Variants in TFDP2 observed in about 807,000 individuals in gnomAD.
TFDP2 encodes transcription factor Dp-2.
A neutral mutation model predicts 59.3 loss-of-function variants in TFDP2; 17 were observed. The ratio of observed to expected loss-of-function variants is 0.29; its 90% confidence interval spans 0.20 to 0.43. The LOEUF is 0.43. TFDP2 is among the 20% of genes least tolerant of loss of function. The pLI is 1.00. For synonymous variants in TFDP2, 180 were observed against 194.7 expected (o/e 0.92, Z 0.63); for missense variants, 391 against 528.8 (o/e 0.74, Z 2.56).
chr3:141,970,267 A>G, intron 8 of TFDP2, 126 bp from the exon 9 acceptor site: 1 of 792,142 alleles, frequency 1.3e-6, no homozygotes, highest in Non-Finnish European at 2.1e-6. Flanking sequence ...AACAATATGA[A>G]TAAAGACAAA....
intron 9 of TFDP2, among the ~76,000 whole-genome samples, chr3:141,967,505 G>A (rs1938307196): frequency 6.6e-6 from 1 of 151,994 alleles, no homozygotes; most frequent in African/African-American, 2.4e-5. Context: ...TGTTGGTCAG[G>A]CTGGTCTCGA....
intron 1 of TFDP2, among the ~76,000 whole-genome samples, chr3:142,115,264 T>C (rs754465372): frequency 6.6e-6 from 1 of 152,052 alleles, no homozygotes; most frequent in African/African-American, 2.4e-5. Flanking sequence ...CTAAACTTCA[T>C]TGTTATCAGT....
Position 142,083,294 on chromosome 3 carries a change from G to C in TFDP2, c.82+9767C>G, listed in dbSNP as rs539212757. 2.6e-5 allele frequency among the ~76,000 whole-genome samples: 4 copies of C among 152,034 alleles called. No homozygotes were observed. In the South Asian group the frequency reaches 8.3e-4, roughly 32 times the overall value. On this transcript the variant is annotated intron_variant, in intron 3 of 12. Transcript: ENST00000489671. ...AATGAAATTAAATACCTAGGAATTAGTCAAAGAAATGAAAGATCCCTACAA... is the reference window on the plus strand; with the variant it reads ...AATGAAATTAAATACCTAGGAATTACTCAAAGAAATGAAAGATCCCTACAA...
At chr3:142,026,875 A>G (rs1000993414) in intron 3 of TFDP2, among the ~76,000 whole-genome samples, 6 of 152,202 alleles carry the variant, frequency 3.9e-5, no homozygotes, top group African/African-American at 1.4e-4. Context: ...CAAGCTTATT[A>G]TCTTTCTTTT....
At chr3:141,961,950 C>T (rs1344851991) in intron 10 of TFDP2, among the ~76,000 whole-genome samples, 1 of 151,986 alleles carries the variant, frequency 6.6e-6, no homozygotes, top group African/African-American at 2.4e-5. Context: ...AGTGAGAATC[C>T]ACTCTTTTTT....
chr3:142,060,358 A>G (rs1305701425), intron 3 of TFDP2, among the ~76,000 whole-genome samples: 1 of 152,186 alleles, frequency 6.6e-6, no homozygotes, highest in African/African-American at 2.4e-5. Context: ...AAAATTAAAG[A>G]TCCAAAACTG....
chr3:141,969,594 G>T (rs1207990650), intron 9 of TFDP2, among the ~76,000 whole-genome samples: 1 of 151,936 alleles, frequency 6.6e-6, no homozygotes, highest in Non-Finnish European at 1.5e-5. Context: ...CCTGGCGAAA[G>T]AGTGAGACTC....
intron 7 of TFDP2, among the ~76,000 whole-genome samples, chr3:141,977,815 A>G (rs908024168): frequency 6.6e-6 from 1 of 151,712 alleles, no homozygotes; most frequent in Non-Finnish European, 1.5e-5. Context: ...GGTTCAAGCA[A>G]TTCTCCTGCC....
At chr3:142,043,715 T>C in intron 3 of TFDP2, 1 of 1,211,714 alleles carries the variant, frequency 8.3e-7, no homozygotes. Flanking sequence ...CGTGCTTCCT[T>C]GGTCTTAGAC....
intron 3 of TFDP2, among the ~76,000 whole-genome samples, chr3:142,058,707 G>A (rs1046819895): frequency 1.3e-5 from 2 of 152,082 alleles, no homozygotes; most frequent in Admixed American, 1.3e-4. Flanking sequence ...AGGGGTAGGG[G>A]GTGGGTGCAC....
chr3:142,026,107 C>G (rs1007618350), intron 3 of TFDP2, among the ~76,000 whole-genome samples: 2 of 152,126 alleles, frequency 1.3e-5, no homozygotes, highest in Admixed American at 1.3e-4. Flanking sequence ...GTCGGGAGAT[C>G]GAGACCATCA....
chr3:142,065,921 T>A (rs1474262618), intron 3 of TFDP2, among the ~76,000 whole-genome samples: 1 of 151,874 alleles, frequency 6.6e-6, no homozygotes, highest in African/African-American at 2.4e-5. Flanking sequence ...TCCAAAAAAG[T>A]AATGCAGGTA....
chr3:141,967,206 T>C (rs1031099818), intron 9 of TFDP2, among the ~76,000 whole-genome samples: 1 of 151,706 alleles, frequency 6.6e-6, no homozygotes, highest in Non-Finnish European at 1.5e-5. Context: ...TAAGCCACTG[T>C]GCCTGGCTGC....
chr3:142,028,464 T>A lies in TFDP2; in HGVS notation c.83-22920A>T, dbSNP rs10513165. Reference sequence around the variant, plus strand: ...CTGTCTGCAACAAGCAAGGACGTCTTGAAATCAGCGTGCTCCTGGCTATTT... The same window carrying A: ...CTGTCTGCAACAAGCAAGGACGTCTAGAAATCAGCGTGCTCCTGGCTATTT... On this transcript the variant is annotated intron_variant, in intron 3 of 12. Coordinates refer to ENST00000489671, the MANE Select transcript of TFDP2 (RefSeq NM_001178139.2). The A allele has an allele frequency of 5.1e-3, 3,570 of 694,124 alleles. 103 individuals are homozygous for A. In the African/African-American group the frequency reaches 0.068, roughly 13 times the overall value. The allele number at this position is 694,124 out of a possible 1,614,324, so 43.0% of individuals were successfully genotyped here.
intron 3 of TFDP2, among the ~76,000 whole-genome samples, chr3:142,057,852 A>C (rs918282032): frequency 6.6e-6 from 1 of 152,312 alleles, no homozygotes; most frequent in South Asian, 2.1e-4. Flanking sequence ...GGCTTTATAA[A>C]GTTCTCCATC....
chr3:142,105,504 C>A (rs1482962478), intron 1 of TFDP2, among the ~76,000 whole-genome samples: 1 of 152,138 alleles, frequency 6.6e-6, no homozygotes, highest in African/African-American at 2.4e-5. Context: ...GTTGTGATGG[C>A]TAGAGCTGCT....
At chr3:141,959,065 G>T (rs1576456820) in intron 11 of TFDP2, among the ~76,000 whole-genome samples, 1 of 147,936 alleles carries the variant, frequency 6.8e-6, no homozygotes, top group African/African-American at 2.5e-5. Context: ...TGATTCTCCT[G>T]CCTCAGCCTC....
In TFDP2 at chr3:141,968,475, A is replaced by T. The variant is rs1425258356; in HGVS notation, c.732+1598T>A. ...TATCTCATATATAGATATATATATA[A>T]CATATATATATCTCATATATAGATA... On this transcript the variant is annotated intron_variant, in intron 9 of 12. Coordinates refer to ENST00000489671, the MANE Select transcript of TFDP2 (RefSeq NM_001178139.2). Among the ~76,000 whole-genome samples, 9 of 108,606 alleles carry T rather than the reference A, an allele frequency of 8.3e-5. 1 individual carries two copies. Among genetic ancestry groups the T allele is most frequent in the Non-Finnish European group, 1.5e-4 (9 of 59,954 alleles). The allele number at this position is 108,606 out of a possible 152,430, so 71.2% of individuals were successfully genotyped here. A position where few individuals can be genotyped will look rare whatever the true frequency, so the allele number is the denominator to read the frequency against.
chr3:142,065,070 T>C (rs2060030037), intron 3 of TFDP2, among the ~76,000 whole-genome samples: 1 of 152,160 alleles, frequency 6.6e-6, no homozygotes, highest in Non-Finnish European at 1.5e-5. Flanking sequence ...GGTAAAGGTT[T>C]TTCAGGTAAA....
Sources: gnomAD v4.1 joint callset for allele counts (sites outside exome capture counted in the v4.1 genomes callset) on GRCh38, gnomAD v4.1.1 for gene constraint, MANE v1.5 for transcripts, NCBI Gene and HGNC (gene_info 2026-07-23, HGNC 2026-07-21) for gene names.